Variants in OSBPL8 observed in about 807,000 individuals in gnomAD.
OSBPL8 encodes the protein oxysterol binding protein like 8.
A neutral mutation model predicts 125.5 loss-of-function variants in OSBPL8; 59 were observed. That is an observed-to-expected ratio of 0.47 (90% CI 0.38 to 0.58). OSBPL8 has a LOEUF of 0.58. Among genes scored for constraint, OSBPL8 ranks in the 20% least tolerant of loss-of-function variants. OSBPL8 has a pLI of 0.00. For synonymous variants in OSBPL8, 330 were observed against 338.9 expected, an observed-to-expected ratio of 0.97 and a Z score of 0.29; for missense variants, 758 against 1,047.8, an observed-to-expected ratio of 0.72 and a Z score of 3.82.
intron 1 of OSBPL8, among the ~76,000 whole-genome samples, chr12:76,499,232 C>T (rs753775578): frequency 2.6e-5 from 4 of 152,142 alleles, no homozygotes; most frequent in Non-Finnish European, 4.4e-5. Context: ...CTCAGGCTGG[C>T]TATCCTTGCT....
intron 21 of OSBPL8, among the ~76,000 whole-genome samples, chr12:76,360,633 G>A (rs994802875): frequency 3.3e-5 from 5 of 152,212 alleles, no homozygotes; most frequent in Non-Finnish European, 7.3e-5. Flanking sequence ...CATGAGGGCC[G>A]TGCCCCTGCA....
intron 15 of OSBPL8, 98 bp downstream of exon 15, chr12:76,384,156 C>A (rs767832778): frequency 6.9e-6 from 4 of 576,226 alleles, no homozygotes; most frequent in Non-Finnish European, 1.1e-5. Context: ...AAATGACAAA[C>A]TCCTTGTTGA....
chr12:76,525,196 G>T (rs982465129), intron 1 of OSBPL8, among the ~76,000 whole-genome samples: 9 of 152,134 alleles, frequency 5.9e-5, no homozygotes, highest in Non-Finnish European at 1.2e-4. Flanking sequence ...AAATTTCTCA[G>T]AATTATTTGA....
chr12:76,512,596 C>T (rs180863036), intron 1 of OSBPL8, among the ~76,000 whole-genome samples: 35 of 152,176 alleles, frequency 2.3e-4, no homozygotes, highest in Admixed American at 1.4e-3. Context: ...AACCCTGTAG[C>T]GTAGTTTGAA....
At position 76,410,591 on chromosome 12, in the gene OSBPL8, T is replaced by C. The variant is rs771723946; in HGVS notation, c.261A>G (p.Glu87=). The C allele has an allele frequency of 1.9e-6, 3 of 1,605,914 alleles. No homozygotes were observed. Among genetic ancestry groups the C allele is most frequent in the African/African-American group, 2.7e-5 (2 of 74,778 alleles). Reference sequence around the variant, plus strand: ...TGCTCTTTGACATAGAAAGTGAAGATTCATCTTTATTTTGAGAAATATCTT... The same window carrying C: ...TGCTCTTTGACATAGAAAGTGAAGACTCATCTTTATTTTGAGAAATATCTT... ...GKEDISQNKD[E]SSLSMSKSKS... is the part of the protein sequence containing the mutation. The change falls in exon 5 of 24, where the codon GAA becomes GAG. Residue 87 remains glutamate (E), a synonymous_variant. Coordinates refer to ENST00000261183, the MANE Select transcript of OSBPL8 (RefSeq NM_020841.5).
chr12:76,542,026 C>T (rs1164128104), intron 1 of OSBPL8, among the ~76,000 whole-genome samples: 1 of 152,004 alleles, frequency 6.6e-6, no homozygotes, highest in Non-Finnish European at 1.5e-5. Flanking sequence ...ACAAAATTAG[C>T]CAGGCGTGGT....
intron 1 of OSBPL8, among the ~76,000 whole-genome samples, chr12:76,527,510 A>G (rs942579692): frequency 6.6e-6 from 1 of 152,218 alleles, no homozygotes; most frequent in Non-Finnish European, 1.5e-5. Context: ...TAAATCTGTC[A>G]ATTAGAATTA....
chr12:76,455,428 A>T (rs1410642932), intron 3 of OSBPL8, among the ~76,000 whole-genome samples: 1 of 152,232 alleles, frequency 6.6e-6, no homozygotes, highest in African/African-American at 2.4e-5. Context: ...CCACTAGCAG[A>T]ATTAATGTAG....
chr12:76,371,940 T>C (rs368132050), intron 18 of OSBPL8: 15 of 161,170 alleles, frequency 9.3e-5, no homozygotes, highest in East Asian at 8.9e-4. Flanking sequence ...TGAGATGCTG[T>C]TGACTATCCA....
At chr12:76,487,792 T>C (rs751311659) in intron 1 of OSBPL8, among the ~76,000 whole-genome samples, 174 bp from the exon 2 acceptor site, 5 of 148,850 alleles carry the variant, frequency 3.4e-5, no homozygotes, top group African/African-American at 5.0e-5. Context: ...CAGAGAAAAA[T>C]GAAAGAAGAA....
At chr12:76,362,500 C>T (rs1415959298) in intron 21 of OSBPL8, among the ~76,000 whole-genome samples, 3 of 152,142 alleles carry the variant, frequency 2.0e-5, no homozygotes, top group Non-Finnish European at 4.4e-5. Context: ...GCTAAAAACT[C>T]TCAATAAAGT....
chr12:76,536,309 A>G (rs897393947), intron 1 of OSBPL8, among the ~76,000 whole-genome samples: 2 of 152,122 alleles, frequency 1.3e-5, no homozygotes, highest in African/African-American at 4.8e-5. Flanking sequence ...CAACATGGTG[A>G]AACTAAAAAT....
chr12:76,494,887 G>A (rs187999638), intron 1 of OSBPL8, among the ~76,000 whole-genome samples: 21 of 152,258 alleles, frequency 1.4e-4, no homozygotes, highest in Admixed American at 8.5e-4. Flanking sequence ...AAAATTTGGG[G>A]AGTTAACATA....
intron 8 of OSBPL8, among the ~76,000 whole-genome samples, chr12:76,396,138 A>G (rs1271033135): frequency 6.6e-6 from 1 of 151,974 alleles, no homozygotes. Context: ...GAATCGCTTA[A>G]TATATAAATG....
chr12:76,439,580 CT>C (rs1440087877), intron 4 of OSBPL8, among the ~76,000 whole-genome samples: 1 of 142,374 alleles, frequency 7.0e-6, no homozygotes, highest in Non-Finnish European at 1.6e-5. Flanking sequence ...GTGAAATTAC[CT>C]TTTTTTTTCC....
At chr12:76,373,013 A>G (rs932666091) in intron 18 of OSBPL8, among the ~76,000 whole-genome samples, 1 of 152,146 alleles carries the variant, frequency 6.6e-6, no homozygotes, top group Non-Finnish European at 1.5e-5. Context: ...AATAAACAAT[A>G]ATAAAATGGG....
At chr12:76,380,143 C>G (rs189314614) in intron 15 of OSBPL8, among the ~76,000 whole-genome samples, 2 of 152,084 alleles carry the variant, frequency 1.3e-5, no homozygotes, top group Admixed American at 1.3e-4. Context: ...AATTTGAGAG[C>G]CAACTTGCCA....
intron 1 of OSBPL8, among the ~76,000 whole-genome samples, chr12:76,505,756 T>A (rs1461229403): frequency 6.6e-6 from 1 of 151,926 alleles, no homozygotes; most frequent in African/African-American, 2.4e-5. Flanking sequence ...ATCTAAAGAA[T>A]AGCAAAGAGA....
chr12:76,376,548 T>A (rs1041777169), intron 16 of OSBPL8, among the ~76,000 whole-genome samples: 6 of 152,170 alleles, frequency 3.9e-5, no homozygotes, highest in African/African-American at 1.4e-4. Context: ...CTATAAAAAA[T>A]TTTCCCTATT....
Sources: gnomAD v4.1 joint callset for allele counts (sites outside exome capture counted in the v4.1 genomes callset) on GRCh38, gnomAD v4.1.1 for gene constraint, MANE v1.5 for transcripts, NCBI Gene and HGNC (gene_info 2026-07-23, HGNC 2026-07-21) for gene names.